Variants in NADK observed in about 807,000 individuals in gnomAD.
The protein encoded by NADK is NAD kinase, also known as poly(P)/ATP NAD kinase.
NADK carries 22 observed loss-of-function variants against 49.8 expected under a neutral mutation model. The observed-to-expected ratio is 0.44, with a 90% CI of 0.32 to 0.63. The LOEUF is 0.63. Among genes scored for constraint, NADK ranks in the 30% least tolerant of loss-of-function variants. The pLI is 0.06. For synonymous variants in NADK, 268 were observed against 253.7 expected (o/e 1.06, Z -0.54); for missense variants, 438 against 609.4 (o/e 0.72, Z 2.96).
intron 3 of NADK, chr1:1,761,739 G>A: frequency 6.2e-6 from 3 of 485,228 alleles, no homozygotes; most frequent in Non-Finnish European, 1.1e-5. Flanking sequence ...CTGCACTCAG[G>A]GGGTTCAGGG....
intron 1 of NADK, among the ~76,000 whole-genome samples, chr1:1,765,654 G>A (rs1001872965): frequency 6.6e-6 from 1 of 152,204 alleles, no homozygotes; most frequent in African/African-American, 2.4e-5. Flanking sequence ...GCTCACGCCT[G>A]TCATCCCAGC....
At chr1:1,758,281 C>T in intron 3 of NADK, 2 of 1,493,240 alleles carry the variant, frequency 1.3e-6, no homozygotes, top group South Asian at 1.3e-5. Context: ...ACCCCCAGAA[C>T]CACAACACAG....
chr1:1,760,783 C>G (rs1322305505), intron 3 of NADK, among the ~76,000 whole-genome samples: 2 of 152,048 alleles, frequency 1.3e-5, no homozygotes, highest in East Asian at 3.9e-4. Flanking sequence ...GGGGAAGAGG[C>G]AATGAGGATG....
At chr1:1,776,913 C>CA (rs1468028815) in intron 1 of NADK, among the ~76,000 whole-genome samples, 1 of 149,404 alleles carries the variant, frequency 6.7e-6, no homozygotes, top group Non-Finnish European at 1.5e-5. Context: ...TCTATCTCTA[C>CA]AAAAAATTTT....
At chr1:1,761,277 C>T (rs1304999266) in intron 3 of NADK, among the ~76,000 whole-genome samples, 7 of 152,206 alleles carry the variant, frequency 4.6e-5, no homozygotes, top group Admixed American at 2.0e-4. Flanking sequence ...AGGTGTGAGC[C>T]ACCGCAGCTG....
intron 10 of NADK, among the ~76,000 whole-genome samples, 199 bp from the exon 11 acceptor site, chr1:1,753,848 C>T (rs1645416039): frequency 1.3e-5 from 2 of 152,294 alleles, no homozygotes; most frequent in African/African-American, 2.4e-5. Context: ...CCCTCAGACC[C>T]GGGCCCTGGG....
intron 3 of NADK, chr1:1,759,022 C>G (rs1645627248): frequency 7.0e-7 from 1 of 1,437,578 alleles, no homozygotes; most frequent in South Asian, 1.5e-5. Flanking sequence ...GGCTCACGGT[C>G]CTCCGGCCTG....
At position 1,756,627 on chromosome 1, in the gene NADK, C is replaced by A; in HGVS notation, c.394-19G>T. ...TGTTCTCCTGGAAGCAAAGTGCCAA[C>A]CTGCTCATTCCACCTGCAGACCCCA... On this transcript the variant is annotated intron_variant, in intron 4 of 11. Coordinates refer to ENST00000341426, the MANE Select transcript of NADK (RefSeq NM_023018.5). The A allele has an allele frequency of 6.2e-7, 1 of 1,613,958 alleles. No homozygotes were observed. Among genetic ancestry groups the A allele is most frequent in the Admixed American group, 1.7e-5 (1 of 60,018 alleles).
Position 1,760,544 on chromosome 1 carries a change from G to A in NADK, c.263+1408C>T, listed in dbSNP as rs149649318. Among the ~76,000 whole-genome samples the A allele has an allele frequency of 5.9e-3, 903 of 152,250 alleles. 6 individuals carry two copies. The highest frequency in any genetic ancestry group is 1.0e-2 in the Non-Finnish European group (678 of 67,994). On this transcript the variant is annotated intron_variant, in intron 3 of 11. Transcript: ENST00000341426. ...GTCAGCAAAGGGCCATGCAGTGGCCGCCCCCGTATCACACGGCCGCATTGC... is the reference window on the plus strand; with the variant it reads ...GTCAGCAAAGGGCCATGCAGTGGCCACCCCCGTATCACACGGCCGCATTGC...
chr1:1,759,050 C>T lies in NADK; in HGVS notation c.264-1740G>A, dbSNP rs981287745. 14 of 1,475,182 alleles carry T rather than the reference C, an allele frequency of 9.5e-6. No individual in the cohort carries two copies. In the Admixed American group the frequency reaches 1.7e-4, roughly 18 times the overall value. The allele number at this position is 1,475,182 out of a possible 1,614,324, so 91.4% of individuals were successfully genotyped here. ...CCGGCCTGGTCAGCCAGCAAAGCCC[C>T]CGCCCTGCACACGGCTCCCCCTGCT... On this transcript the variant is annotated intron_variant, in intron 3 of 11. Transcript: ENST00000341426.
intron 1 of NADK, among the ~76,000 whole-genome samples, chr1:1,770,126 G>C (rs1266829842): frequency 1.3e-5 from 2 of 151,694 alleles, no homozygotes; most frequent in Non-Finnish European, 2.9e-5. Flanking sequence ...AGTGAGCCGA[G>C]ATCGCACCAC....
chr1:1,762,163 C>G, intron 2 of NADK, 128 bp from the exon 3 acceptor site: 1 of 757,728 alleles, frequency 1.3e-6, no homozygotes, highest in Non-Finnish European at 2.2e-6. Flanking sequence ...TCCATCTGCC[C>G]AGCAGCCACA....
chr1:1,760,239 G>A (rs1232622698), intron 3 of NADK, among the ~76,000 whole-genome samples: 2 of 152,214 alleles, frequency 1.3e-5, no homozygotes, highest in Non-Finnish European at 2.9e-5. Flanking sequence ...TGGCAGCAGT[G>A]ACAGGTCACA....
At chr1:1,758,743 C>T in intron 3 of NADK, 1 of 782,386 alleles carries the variant, frequency 1.3e-6, no homozygotes, top group Non-Finnish European at 1.6e-6. Flanking sequence ...GAAAAAAAGT[C>T]CTCAGTTCAG....
At position 1,759,683 on chromosome 1, in the gene NADK, T is replaced by C. The variant is rs1477158694; in HGVS notation, c.263+2269A>G. On this transcript the variant is annotated intron_variant, in intron 3 of 11. Coordinates refer to ENST00000341426, the MANE Select transcript of NADK (RefSeq NM_023018.5). ...AGAGCCCAGAGGGGGCGTGCTCCCATGGGGGTGCCGAGAAAGCTGCATGCC... is the reference window on the plus strand; with the variant it reads ...AGAGCCCAGAGGGGGCGTGCTCCCACGGGGGTGCCGAGAAAGCTGCATGCC... The C allele has an allele frequency of 2.6e-5, 40 of 1,534,840 alleles. No homozygotes were observed. In the South Asian group the frequency reaches 4.0e-4, roughly 15 times the overall value.
intron 3 of NADK, among the ~76,000 whole-genome samples, chr1:1,757,538 G>C (rs1008910148): frequency 1.3e-5 from 2 of 151,524 alleles, no homozygotes; most frequent in African/African-American, 4.9e-5. Flanking sequence ...CCCATCACAC[G>C]CAGGCTCAGG....
intron 1 of NADK, among the ~76,000 whole-genome samples, chr1:1,767,325 G>C (rs952393072): frequency 6.6e-6 from 1 of 152,204 alleles, no homozygotes; most frequent in Non-Finnish European, 1.5e-5. Flanking sequence ...GCAACCCAGG[G>C]ATCAAAGTGA....
intron 1 of NADK, among the ~76,000 whole-genome samples, chr1:1,776,053 T>C (rs1325000282): frequency 2.0e-5 from 3 of 152,166 alleles, no homozygotes; most frequent in Non-Finnish European, 2.9e-5. Flanking sequence ...GCTGGGCTTG[T>C]GTGCTCAACA....
chr1:1,755,747 G>A (rs956773205), intron 6 of NADK, among the ~76,000 whole-genome samples: 4 of 152,168 alleles, frequency 2.6e-5, no homozygotes, highest in South Asian at 2.1e-4. Context: ...GGGAGCTGGC[G>A]AGGGCGGGTG....
Sources: gnomAD v4.1 joint callset for allele counts (sites outside exome capture counted in the v4.1 genomes callset) on GRCh38, gnomAD v4.1.1 for gene constraint, MANE v1.5 for transcripts, NCBI Gene and HGNC (gene_info 2026-07-23, HGNC 2026-07-21) for gene names.